Variants in RASAL2 observed in about 807,000 individuals in gnomAD.
The protein encoded by RASAL2 is RAS protein activator like 2.
Under a neutral mutation model 128.9 loss-of-function variants are expected in RASAL2, and 58 were observed. That is an observed-to-expected ratio of 0.45 (90% CI 0.36 to 0.56). The LOEUF is 0.56. Ranked by LOEUF, RASAL2 falls within the 20% of genes least tolerant of loss-of-function variation. The pLI is 0.00. For missense variants in RASAL2, 1,360 were observed against 1,601.6 expected (o/e 0.85, Z 2.57); for synonymous variants, 561 against 580.8 (o/e 0.97, Z 0.49).
At chr1:178,185,009 CAGGTTCTGTACATATTTTGT>C (rs1662240402) in intron 1 of RASAL2, among the ~76,000 whole-genome samples, 1 of 151,810 alleles carries the variant, frequency 6.6e-6, no homozygotes, top group Admixed American at 6.6e-5. Context: ...CTTTTGCATG[CAGGTTCTGTACATATTTTGT>C]TAGGTTTATA....
At chr1:178,205,953 G>A (rs190983379) in intron 1 of RASAL2, among the ~76,000 whole-genome samples, 3 of 152,238 alleles carry the variant, frequency 2.0e-5, no homozygotes, top group East Asian at 1.9e-4. Context: ...TGACTTCTAT[G>A]TGACATTACG....
intron 1 of RASAL2, among the ~76,000 whole-genome samples, chr1:178,110,185 A>T (rs187208111): frequency 6.6e-6 from 1 of 152,252 alleles, no homozygotes; most frequent in African/African-American, 2.4e-5. Context: ...ATCCCTTTGT[A>T]ATTCCCCCCT....
intron 1 of RASAL2, among the ~76,000 whole-genome samples, chr1:178,110,629 AG>A (rs1659275744): frequency 2.2e-5 from 1 of 45,834 alleles, no homozygotes; most frequent in South Asian, 1.2e-3. Flanking sequence ...CACTATATAT[AG>A]TGTATACATA....
chr1:178,401,494 G>T (rs1034068022), intron 4 of RASAL2, among the ~76,000 whole-genome samples: 5 of 152,084 alleles, frequency 3.3e-5, no homozygotes, highest in African/African-American at 1.2e-4. Flanking sequence ...GTTCCATGGG[G>T]CTGGGCCTGG....
At chr1:178,189,768 T>G (rs1225994442) in intron 1 of RASAL2, among the ~76,000 whole-genome samples, 1 of 152,150 alleles carries the variant, frequency 6.6e-6, no homozygotes, top group African/African-American at 2.4e-5. Flanking sequence ...GCACATCTAT[T>G]TATGTGTTTT....
chr1:178,328,926 C>T (rs1489137503), intron 3 of RASAL2, among the ~76,000 whole-genome samples: 1 of 152,198 alleles, frequency 6.6e-6, no homozygotes, highest in African/African-American at 2.4e-5. Context: ...CTTCCTCTCC[C>T]CAGCTATATT....
chr1:178,423,366 C>T (rs1384686544), intron 5 of RASAL2, among the ~76,000 whole-genome samples: 1 of 152,104 alleles, frequency 6.6e-6, no homozygotes, highest in African/African-American at 2.4e-5. Context: ...AAAAAAGGAC[C>T]TTTCCCACCA....
At chr1:178,293,087 A>G (rs962374111) in intron 2 of RASAL2, among the ~76,000 whole-genome samples, 4 of 152,198 alleles carry the variant, frequency 2.6e-5, no homozygotes, top group African/African-American at 9.6e-5. Context: ...CCACTTTTAA[A>G]TTATTCAATA....
intron 1 of RASAL2, among the ~76,000 whole-genome samples, chr1:178,191,928 G>C (rs1466747985): frequency 6.6e-6 from 1 of 152,120 alleles, no homozygotes; most frequent in African/African-American, 2.4e-5. Context: ...AGAAAGAAAA[G>C]ACAGTTTCTC....
At chr1:178,273,302 C>T (rs1053684383) in intron 1 of RASAL2, among the ~76,000 whole-genome samples, 6 of 152,114 alleles carry the variant, frequency 3.9e-5, no homozygotes, top group African/African-American at 1.4e-4. Context: ...TCCTCTTGTA[C>T]TGTGTGTATG....
intron 3 of RASAL2, among the ~76,000 whole-genome samples, chr1:178,303,365 A>C (rs1440498989): frequency 6.6e-6 from 1 of 152,088 alleles, no homozygotes; most frequent in African/African-American, 2.4e-5. Context: ...TTAAGTCAGG[A>C]GTGTCCAATC....
chr1:178,446,750 A>G (rs1021301966), intron 9 of RASAL2, among the ~76,000 whole-genome samples: 137 of 152,332 alleles, frequency 9.0e-4, no homozygotes, highest in African/African-American at 3.1e-3. Flanking sequence ...AAAAAGAGAC[A>G]TTCTGTGTTC....
rs143027684 is a variant in RASAL2, at chr1:178,159,498, T to C, written c.202+64804T>C. Among the ~76,000 whole-genome samples, 9 of 152,300 alleles carry C rather than the reference T, an allele frequency of 5.9e-5. 2 individuals are homozygous for C. The East Asian group carries it at 1.7e-3, about 29-fold the overall frequency. On this transcript the variant is annotated intron_variant, in intron 1 of 17. Coordinates refer to ENST00000367649, the MANE Select transcript of RASAL2 (RefSeq NM_170692.4). The stretch of plus-strand genomic sequence containing the variant: ...CCCTAGAAAATAAAATAAAACAAAA[T>C]GATACAGGGAAAGTGTTTGAAAACA...
At chr1:178,353,832 G>A (rs922130037) in intron 3 of RASAL2, among the ~76,000 whole-genome samples, 3 of 152,134 alleles carry the variant, frequency 2.0e-5, no homozygotes, top group African/African-American at 7.2e-5. Context: ...ACAAGGGTGT[G>A]GTGGCTCATG....
chr1:178,157,976 C>T (rs1661140717), intron 1 of RASAL2, among the ~76,000 whole-genome samples: 1 of 152,140 alleles, frequency 6.6e-6, no homozygotes, highest in Non-Finnish European at 1.5e-5. Flanking sequence ...TAGGATTGCT[C>T]TTCATCTTCT....
intron 9 of RASAL2, among the ~76,000 whole-genome samples, chr1:178,446,839 A>G (rs1193229834): frequency 1.3e-5 from 2 of 152,202 alleles, no homozygotes; most frequent in African/African-American, 2.4e-5. Flanking sequence ...TATGTTTTGT[A>G]TGTAGTTTGA....
intron 1 of RASAL2, among the ~76,000 whole-genome samples, chr1:178,191,366 C>T (rs12081221): frequency 6.6e-6 from 1 of 150,736 alleles, no homozygotes. Context: ...AAAACACATA[C>T]AAAAACAAGC....
At chr1:178,295,850 A>T (rs1040553958) in intron 2 of RASAL2, among the ~76,000 whole-genome samples, 2 of 152,198 alleles carry the variant, frequency 1.3e-5, no homozygotes, top group Non-Finnish European at 2.9e-5. Flanking sequence ...AGCATATAGT[A>T]GTCCTGAGCA....
At chr1:178,147,117 G>T (rs887926382) in intron 1 of RASAL2, among the ~76,000 whole-genome samples, 1 of 151,504 alleles carries the variant, frequency 6.6e-6, no homozygotes, top group African/African-American at 2.4e-5. Context: ...GTAGATAATC[G>T]TTTTATTTTG....
Sources: allele counts gnomAD v4.1 joint callset (sites outside exome capture counted in the v4.1 genomes callset), GRCh38; gene constraint gnomAD v4.1.1; transcripts MANE v1.5; gene names NCBI Gene and HGNC (gene_info 2026-07-23, HGNC 2026-07-21).